The following ZDHHC11 variants were observed in gnomAD, a reference collection of about 807,000 sequenced individuals.
ZDHHC11 encodes palmitoyltransferase ZDHHC11.
Under a neutral mutation model 51.3 loss-of-function variants are expected in ZDHHC11, and 44 were observed. The observed-to-expected ratio is 0.86, with a 90% CI of 0.67 to 1.10. The LOEUF (loss-of-function observed/expected upper bound fraction) is 1.10. ZDHHC11 is among the 50% of genes least tolerant of loss of function. ZDHHC11 has a pLI of 0.00. For synonymous variants in ZDHHC11, 163 were observed against 222.0 expected, an observed-to-expected ratio of 0.73 and a Z score of 2.36; for missense variants, 400 against 537.7, an observed-to-expected ratio of 0.74 and a Z score of 2.53.
intron 4 of ZDHHC11, among the ~76,000 whole-genome samples, chr5:842,992 T>C (rs527730893): frequency 6.6e-6 from 1 of 152,360 alleles, no homozygotes; most frequent in East Asian, 1.9e-4. Flanking sequence ...ACCTCAGATA[T>C]TAAGTCACAG....
chr5:837,593 G>A, intron 5 of ZDHHC11, 113 bp from the exon 6 acceptor site: 1 of 1,189,872 alleles, frequency 8.4e-7, no homozygotes, highest in Non-Finnish European at 1.2e-6. Flanking sequence ...CCTGCACAGG[G>A]AGAACTGCTC....
At chr5:852,229 T>C (rs1255516344), upstream of ZDHHC11, among the ~76,000 whole-genome samples, 1 of 152,090 alleles carries the variant, frequency 6.6e-6, no homozygotes, top group East Asian at 1.9e-4. Context: ...ACCTGGAATA[T>C]CAAATCCAGG....
intron 1 of ZDHHC11, among the ~76,000 whole-genome samples, chr5:856,370 C>T (rs1348860802): frequency 6.6e-6 from 1 of 151,454 alleles, no homozygotes; most frequent in Non-Finnish European, 1.5e-5. Flanking sequence ...TCATACAACA[C>T]AGACCACCCA....
intron 9 of ZDHHC11, among the ~76,000 whole-genome samples, 197 bp from the exon 10 acceptor site, chr5:819,809 C>T (rs897492737): frequency 1.3e-5 from 2 of 151,166 alleles, no homozygotes; most frequent in Non-Finnish European, 3.0e-5. Flanking sequence ...AGGAGCTTCT[C>T]GTGTAAAGGA....
chr5:858,369 A>T (rs1305258189), intron 1 of ZDHHC11, among the ~76,000 whole-genome samples: 1 of 119,440 alleles, frequency 8.4e-6, no homozygotes, highest in Non-Finnish European at 1.7e-5. Context: ...TCTTTATGAC[A>T]CCGTGGTCCC....
chr5:813,814 T>A, intron 11 of ZDHHC11, among the ~76,000 whole-genome samples: 1 of 147,520 alleles, frequency 6.8e-6, no homozygotes, highest in Non-Finnish European at 1.5e-5. Context: ...GGCTGGGGAC[T>A]GAGATGTGAG....
intron 11 of ZDHHC11, among the ~76,000 whole-genome samples, chr5:810,605 G>A (rs1276014267): frequency 1.3e-5 from 2 of 151,272 alleles, no homozygotes; most frequent in Admixed American, 6.6e-5. Flanking sequence ...TGTAATGTGC[G>A]CAGCAGGCAG....
At chr5:850,149 A>T (rs577729916) in intron 1 of ZDHHC11, 6 of 564,468 alleles carry the variant, frequency 1.1e-5, no homozygotes, top group Admixed American at 9.3e-5. Flanking sequence ...CTCCTGACAG[A>T]TTCCCTCTCC....
At chr5:819,891 GTGC>G (rs1269767964) in intron 9 of ZDHHC11, among the ~76,000 whole-genome samples, 1 of 151,326 alleles carries the variant, frequency 6.6e-6, no homozygotes, top group Non-Finnish European at 1.5e-5. Context: ...CCCTAGACCA[GTGC>G]CTTAGACAGG....
chr5:857,990 C>T (rs969096932), intron 1 of ZDHHC11, among the ~76,000 whole-genome samples: 2 of 142,666 alleles, frequency 1.4e-5, no homozygotes, highest in Admixed American at 6.9e-5. Flanking sequence ...TTTATGACAC[C>T]GTGGTCCCCC....
At chr5:814,948 A>G (rs1283936585) in intron 10 of ZDHHC11, among the ~76,000 whole-genome samples, 153 bp from the exon 11 acceptor site, 1 of 151,562 alleles carries the variant, frequency 6.6e-6, no homozygotes. Context: ...GTGGTGACAC[A>G]GCACCCTTCC....
At chr5:818,410 T>G (rs1290316668) in intron 10 of ZDHHC11, among the ~76,000 whole-genome samples, 2 of 151,684 alleles carry the variant, frequency 1.3e-5, no homozygotes, top group African/African-American at 4.8e-5. Flanking sequence ...GCGTCGCTGT[T>G]CCTCCAGGCT....
chr5:856,550 A>T (rs915686921), intron 1 of ZDHHC11, among the ~76,000 whole-genome samples: 2 of 148,998 alleles, frequency 1.3e-5, no homozygotes, highest in African/African-American at 5.0e-5. Context: ...ACACAACTCC[A>T]TGCACACCAC....
intron 11 of ZDHHC11, among the ~76,000 whole-genome samples, chr5:802,541 A>G (rs1038287663): frequency 5.3e-5 from 8 of 150,918 alleles, no homozygotes; most frequent in Non-Finnish European, 1.0e-4. Flanking sequence ...AAGTTTACCT[A>G]AAGACAAAAT....
chr5:816,286 G>C, intron 10 of ZDHHC11: 1 of 274,760 alleles, frequency 3.6e-6, no homozygotes. Flanking sequence ...TATCAAAGAA[G>C]ACATTGCTTA....
Position 819,625 on chromosome 5 carries a change from A to G in ZDHHC11, c.1059-13T>C, listed in dbSNP as rs375764562. The G allele has an allele frequency of 4.4e-6, 7 of 1,607,798 alleles. No individual in the cohort carries two copies. The African/African-American group carries it at 8.0e-5, about 18-fold the overall frequency. On this transcript the variant is annotated splice_polypyrimidine_tract_variant and intron_variant, in intron 9 of 12. Coordinates refer to ENST00000283441, the MANE Select transcript of ZDHHC11 (RefSeq NM_024786.3). ...CCTGGCCTTGGCTCTGGTGGGGCAA[A>G]CAGAAGGAAAGAAACACACCACAGT...
chr5:829,594 A>G (rs1363361688), intron 7 of ZDHHC11, among the ~76,000 whole-genome samples: 2 of 151,474 alleles, frequency 1.3e-5, no homozygotes, highest in African/African-American at 4.9e-5. Flanking sequence ...ATCTTATGGA[A>G]ACTATTACAA....
intron 1 of ZDHHC11, among the ~76,000 whole-genome samples, chr5:856,376 A>T (rs939633752): frequency 1.3e-5 from 2 of 151,060 alleles, no homozygotes; most frequent in African/African-American, 4.9e-5. Context: ...AACACAGACC[A>T]CCCACAACAC....
At chr5:844,319 C>G (rs1745743190) in intron 3 of ZDHHC11, among the ~76,000 whole-genome samples, 1 of 152,300 alleles carries the variant, frequency 6.6e-6, no homozygotes, top group Non-Finnish European at 1.5e-5. Flanking sequence ...TTAATCCCCA[C>G]AAGGAACAAG....
Sources: gnomAD v4.1 joint callset for allele counts (sites outside exome capture counted in the v4.1 genomes callset) on GRCh38, gnomAD v4.1.1 for gene constraint, MANE v1.5 for transcripts, NCBI Gene and HGNC (gene_info 2026-07-23, HGNC 2026-07-21) for gene names.